The following TELO2 variants were observed in gnomAD, a reference collection of about 807,000 sequenced individuals.
The protein encoded by TELO2 is telomere length regulation protein TEL2 homolog.
TELO2 carries 71 observed loss-of-function variants against 91.0 expected under a neutral mutation model. The ratio of observed to expected loss-of-function variants is 0.78; its 90% CI spans 0.64 to 0.95. The LOEUF is 0.95. Among genes scored for constraint, TELO2 ranks in the 40% least tolerant of loss-of-function variants. TELO2 has a pLI of 0.00. For missense variants in TELO2, 1,183 were observed against 1,141.3 expected (o/e 1.04, Z -0.53); for synonymous variants, 584 against 518.9 (o/e 1.13, Z -1.71).
At chr16:1,500,533 G>C (rs766987338) in intron 8 of TELO2, 30 bp from the exon 9 acceptor site, 3 of 1,610,276 alleles carry the variant, frequency 1.9e-6, no homozygotes, top group African/African-American at 1.3e-5. Context: ...GCGCCCCGAG[G>C]TGCTCAGGGG....
rs201230315 is a variant in TELO2 at position 1,507,621 on chromosome 16, T to C, written c.2312T>C (p.Leu771Ser). Residue 771 changes from leucine to serine, a missense_variant, in exon 20 of 21, where the codon TTG becomes TCG. Transcript: ENST00000262319. ...HIDAYVRQGL[L>S]SAVSSVLLSL... ...GGCAGCTACGTGCGCCAGGGGCTGT[T>C]GTCGGCCGTCTCCTCCGTCCTGCTC... is the stretch of plus-strand genomic sequence containing the variant. 5.1e-5 allele frequency: 81 copies of C among 1,594,908 alleles called. No homozygotes were observed. Among genetic ancestry groups the C allele is most frequent in the African/African-American group, 1.2e-4 (9 of 74,842 alleles).
chr16:1,500,465 C>G lies in TELO2; in HGVS notation c.1121C>G (p.Pro374Arg). The change falls in exon 8 of 21, where the codon CCG becomes CGG. Residue 374 changes from proline (P) to arginine (R), a missense_variant. Pro to Arg is a moderately radical substitution (Grantham distance 103). Transcript: ENST00000262319. ...VLICLAQLGE[P>R]ELRDSRDELL... is the part of the protein sequence containing the mutation. Reference sequence around the variant, plus strand: ...ATCTGCCTGGCGCAACTCGGGGAGCCGGAACTGCGGGACAGCCGGGATGGT... The same window carrying G: ...ATCTGCCTGGCGCAACTCGGGGAGCGGGAACTGCGGGACAGCCGGGATGGT... 6.2e-7 allele frequency: 1 copy of G among 1,610,818 alleles called. No individual in the cohort carries two copies. The highest frequency in any genetic ancestry group is 8.5e-7 in the Non-Finnish European group (1 of 1,179,332).
rs754870591 is a variant in TELO2 at position 1,494,314 on chromosome 16, C to T, written c.33C>T (p.Ala11=). The T allele has an allele frequency of 8.7e-6, 14 of 1,613,376 alleles. No individual in the cohort carries two copies. The East Asian group carries it at 2.2e-4, about 26-fold the overall frequency. MEPAPSEVRL[A]VREAIHALSS... is the part of the protein sequence containing the mutation. ...CAGCACCCTCAGAGGTTCGACTCGC[C>T]GTCCGGGAAGCCATTCATGCCCTCT... Residue 11 remains alanine (A), a synonymous_variant, in exon 2 of 21, where the codon GCC becomes GCT. Coordinates refer to ENST00000262319, the MANE Select transcript of TELO2 (RefSeq NM_016111.4). The surrounding 1 kb of genome is among the most constrained non-coding windows in gnomAD (Gnocchi z 5.6).
chr16:1,498,837 C>T (rs966857816), intron 5 of TELO2, among the ~76,000 whole-genome samples: 1 of 152,232 alleles, frequency 6.6e-6, no homozygotes, highest in Non-Finnish European at 1.5e-5. Flanking sequence ...CGGGAGGACT[C>T]TTTCAGTCTG....
chr16:1,504,900 T>C lies in TELO2; in HGVS notation c.1843-510T>C, dbSNP rs112298828. 4.8e-3 allele frequency among the ~76,000 whole-genome samples: 736 copies of C among 152,144 alleles called. 10 individuals are homozygous for C. The highest frequency in any genetic ancestry group is 0.017 in the African/African-American group (696 of 41,526). On this transcript the variant is annotated intron_variant, in intron 15 of 20. Transcript: ENST00000262319. ...CCTCTGTCTAGTCCCAGAGCGTCCT[T>C]ATCACCCCAGAGGGAAACCCCATCC...
chr16:1,507,029 T>G lies in TELO2; in HGVS notation c.2204T>G (p.Met735Arg). The part of the protein sequence containing the change: ...GRLAHTLGAL[M>R]CLAVNTTVAV... ...CTGGCGCACACCTTAGGGGCCCTGA[T>G]GTGCCTGGCTGTTAACACCACGGTG... The change falls in exon 18 of 21, where the codon ATG (methionine) becomes AGG (arginine). Residue 735 changes from methionine to arginine, a missense_variant. Coordinates refer to ENST00000262319, the MANE Select transcript of TELO2 (RefSeq NM_016111.4). The G allele has an allele frequency of 6.2e-7, 1 of 1,610,524 alleles. No individual in the cohort carries two copies. Among genetic ancestry groups the G allele is most frequent in the Non-Finnish European group, 8.5e-7 (1 of 1,178,538 alleles).
Position 1,510,170 on chromosome 16 carries a change from C to T in TELO2, c.*234C>T. 3.7e-6 allele frequency: 2 copies of T among 538,568 alleles called. No homozygotes were observed. The highest frequency in any genetic ancestry group is 2.0e-5 in the South Asian group (1 of 49,204). The allele number at this position is 538,568 out of a possible 1,614,324, so 33.4% of individuals were successfully genotyped here. ...GGGACATGGCAGCCTGGACGTGGGGCTGGGGCTGTGGGCGCTGCTGGCGGG... is the reference window on the plus strand; with the variant it reads ...GGGACATGGCAGCCTGGACGTGGGGTTGGGGCTGTGGGCGCTGCTGGCGGG... On this transcript the variant is annotated 3_prime_UTR_variant, in exon 21 of 21. Coordinates refer to ENST00000262319, the MANE Select transcript of TELO2 (RefSeq NM_016111.4).
At position 1,505,365 on chromosome 16, in the gene TELO2, C is replaced by G. The variant is rs761374132; in HGVS notation, c.1843-45C>G. ...GCTGACTTGACTCTTGGGAAATGTTCTTCCCTGGAGCAGTGGCGACGGCCC... is the reference window on the plus strand; with the variant it reads ...GCTGACTTGACTCTTGGGAAATGTTGTTCCCTGGAGCAGTGGCGACGGCCC... On this transcript the variant is annotated intron_variant, in intron 15 of 20. Transcript: ENST00000262319. The surrounding 1 kb of genome is among the most constrained non-coding windows in gnomAD (Gnocchi z 4.3). 6.4e-7 allele frequency: 1 copy of G among 1,570,158 alleles called. No homozygotes were observed. Among genetic ancestry groups the G allele is most frequent in the Admixed American group, 1.8e-5 (1 of 55,024 alleles).
In TELO2 at chr16:1,497,523, T is replaced by C. The variant is rs1435370625; in HGVS notation, c.830+15T>C. The C allele has an allele frequency of 3.2e-6, 5 of 1,544,534 alleles. No homozygotes were observed. Among genetic ancestry groups the C allele is most frequent in the Non-Finnish European group, 4.4e-6 (5 of 1,148,474 alleles). On this transcript the variant is annotated intron_variant, in intron 5 of 20. Coordinates refer to ENST00000262319, the MANE Select transcript of TELO2 (RefSeq NM_016111.4). This position sits in a 1 kb window ranked among gnomAD's most constrained non-coding sequence, Gnocchi z 4.0. Reference sequence around the variant, plus strand: ...GCCGCACTGGGGTAAGCAGCCAGGCTGTCCTCCAGCTGCACTGGCTTCTGG... The same window carrying C: ...GCCGCACTGGGGTAAGCAGCCAGGCCGTCCTCCAGCTGCACTGGCTTCTGG...
In TELO2 at chr16:1,507,701, C is replaced by G. The variant is rs140286302; in HGVS notation, c.2392C>G (p.Arg798Gly). 2.5e-6 allele frequency: 4 copies of G among 1,603,888 alleles called. No homozygotes were observed. The highest frequency in any genetic ancestry group is 2.2e-5 in the South Asian group (2 of 90,718). ...CCTGATGGACGAGCTGCTGGAAGCC[C>G]GGTCCTGGCTGGCGGGTGAGTGTCG... ...EDLMDELLEA[R>G]SWLADVAEKD... The change falls in exon 20 of 21, where the codon CGG becomes GGG. Residue 798 changes from arginine to glycine, a missense_variant. Coordinates refer to ENST00000262319, the MANE Select transcript of TELO2 (RefSeq NM_016111.4).
At position 1,509,821 on chromosome 16, in the gene TELO2, G is replaced by T. The variant is rs192700790; in HGVS notation, c.2408-9G>T. 4,549 of 1,609,006 alleles carry T rather than the reference G, an allele frequency of 2.8e-3. 24 individuals carry two copies. The highest frequency in any genetic ancestry group is 6.8e-3 in the Middle Eastern group (41 of 6,052). On this transcript the variant is annotated splice_polypyrimidine_tract_variant and intron_variant, in intron 20 of 20. Transcript: ENST00000262319. ...TGCCTCAGCTTTGCTTGTCACTCTC[G>T]TCTGGCAGACGTGGCTGAGAAAGAC...
intron 9 of TELO2, 75 bp from the exon 10 acceptor site, chr16:1,501,345 T>C: frequency 6.7e-7 from 1 of 1,501,198 alleles, no homozygotes; most frequent in East Asian, 2.4e-5. Context: ...CAGTGGGGAG[T>C]GGCTCCCGTG....
rs1178150370 is a variant in TELO2, at chr16:1,505,912, G to GTT, written c.2034+315_2034+316dup. 6.6e-6 allele frequency among the ~76,000 whole-genome samples: 1 copy of GTT among 152,200 alleles called. No individual in the cohort carries two copies. The highest frequency in any genetic ancestry group is 2.4e-5 in the African/African-American group (1 of 41,452). On this transcript the variant is annotated intron_variant, in intron 16 of 20. Coordinates refer to ENST00000262319, the MANE Select transcript of TELO2 (RefSeq NM_016111.4). The surrounding 1 kb of genome is among the most constrained non-coding windows in gnomAD (Gnocchi z 4.3). ...AGGATGTTTAGGGGCGTCTGGAGAT[G>GTT]TTTTTGGTTGTCACTAGGGGTGGGT...
Position 1,502,083 on chromosome 16 carries a change from CAG to C in TELO2, c.1514_1515del (p.Glu505AlafsTer21), listed in dbSNP as rs755624824. The C allele has an allele frequency of 6.2e-6, 10 of 1,613,022 alleles. No homozygotes were observed. The East Asian group carries it at 1.8e-4, about 29-fold the overall frequency. On this transcript the variant is annotated frameshift_variant, in exon 12 of 21. Transcript: ENST00000262319. LOFTEE classifies it high-confidence loss of function. The stretch of plus-strand genomic sequence containing the variant: ...TTGTCCCCTACGACATGTCGGGGGA[CAG>C]AGAGCTGAAGAGCAGCAAGGCTCCT... ...EFVPYDMSGD[R>X]ELKSSKAPAY... is the part of the protein sequence containing the mutation.
rs989778052 is a variant in TELO2 at position 1,502,877 on chromosome 16, C to A, written c.1771-54C>A. ...CTGGCTGTGAGGTGCCCGGAGGTCG[C>A]CCCGGGTGGCCCTCAGGTCCCGGAC... On this transcript the variant is annotated intron_variant, in intron 14 of 20. Coordinates refer to ENST00000262319, the MANE Select transcript of TELO2 (RefSeq NM_016111.4). 5.6e-6 allele frequency: 9 copies of A among 1,605,426 alleles called. No homozygotes were observed. The Admixed American group carries it at 6.7e-5, about 12-fold the overall frequency.
chr16:1,504,853 C>T (rs886378074), intron 15 of TELO2, among the ~76,000 whole-genome samples: 3 of 151,064 alleles, frequency 2.0e-5, no homozygotes, highest in African/African-American at 7.4e-5. Context: ...GCGTTCGGAA[C>T]ATCCACAGTG....
intron 2 of TELO2, 109 bp from the exon 3 acceptor site, chr16:1,495,237 T>G: frequency 2.1e-6 from 3 of 1,398,392 alleles, no homozygotes; most frequent in Non-Finnish European, 2.9e-6. Flanking sequence ...TTCACGCTGG[T>G]TATGTTGTTG....
At chr16:1,502,809 G>A (rs1341495556) in intron 14 of TELO2, 48 bp downstream of exon 14, 1 of 1,604,102 alleles carries the variant, frequency 6.2e-7, no homozygotes, top group African/African-American at 1.3e-5. Flanking sequence ...ACAGCGGGAA[G>A]CACTGGGAGC....
intron 10 of TELO2, 64 bp downstream of exon 10, chr16:1,501,563 C>T (rs776006764): frequency 3.0e-5 from 47 of 1,568,194 alleles, no homozygotes; most frequent in Admixed American, 1.3e-4. Flanking sequence ...ATTCCGCTGC[C>T]GGGATGGGAG....
Sources: gnomAD v4.1 joint callset for allele counts (sites outside exome capture counted in the v4.1 genomes callset) on GRCh38, gnomAD v4.1.1 for gene constraint, Gnocchi (gnomAD v3.1) non-coding constraint, MANE v1.5 for transcripts, NCBI Gene and HGNC (gene_info 2026-07-23, HGNC 2026-07-21) for gene names.